The following VAV3 variants were observed in gnomAD, a reference collection of about 807,000 sequenced individuals.
VAV3 encodes the protein vav guanine nucleotide exchange factor 3.
A neutral mutation model predicts 131.2 loss-of-function variants in VAV3; 94 were observed. The observed-to-expected ratio is 0.72, with a 90% CI of 0.61 to 0.85. The LOEUF is 0.85. VAV3 is among the 40% of genes least tolerant of loss of function. The pLI, the probability that VAV3 is intolerant of heterozygous loss-of-function variation, is 0.00. For missense variants in VAV3, 939 were observed against 1,002.7 expected (o/e 0.94, Z 0.86); for synonymous variants, 349 against 342.0 (o/e 1.02, Z -0.22).
At chr1:107,751,029 A>T in intron 13 of VAV3, 88 bp downstream of exon 13, 2 of 1,271,818 alleles carry the variant, frequency 1.6e-6, no homozygotes, top group Non-Finnish European at 2.2e-6. Flanking sequence ...TTTTCCCCCT[A>T]CTTCACACTG....
chr1:107,751,010 T>C, intron 13 of VAV3, 107 bp downstream of exon 13: 4 of 1,086,678 alleles, frequency 3.7e-6, no homozygotes, highest in Non-Finnish European at 5.3e-6. Flanking sequence ...CTCCTTGTAT[T>C]TCTTCCTTTT....
chr1:107,840,249 AC>A (rs774079072), intron 2 of VAV3, among the ~76,000 whole-genome samples: 3 of 152,192 alleles, frequency 2.0e-5, no homozygotes, highest in Non-Finnish European at 4.4e-5. Flanking sequence ...AGTGTAAATC[AC>A]TGCTTTAAAT....
chr1:107,944,223 T>C (rs1389323183), intron 1 of VAV3, among the ~76,000 whole-genome samples: 2 of 152,216 alleles, frequency 1.3e-5, no homozygotes, highest in Non-Finnish European at 2.9e-5. Flanking sequence ...CCCCCTCTCA[T>C]CTTCTACTTA....
At chr1:107,662,563 A>G (rs1657101208) in intron 19 of VAV3, among the ~76,000 whole-genome samples, 1 of 152,282 alleles carries the variant, frequency 6.6e-6, no homozygotes, top group South Asian at 2.1e-4. Flanking sequence ...TTTCTATTTC[A>G]TTAAAAGCAC....
intron 19 of VAV3, chr1:107,669,200 T>C: frequency 3.5e-6 from 4 of 1,149,454 alleles, no homozygotes; most frequent in Non-Finnish European, 4.3e-6. Context: ...CTCAAAGTCT[T>C]CTTTCCAAAG....
intron 19 of VAV3, 109 bp from the exon 20 acceptor site, chr1:107,642,864 C>T (rs1655454039): frequency 4.9e-6 from 7 of 1,435,906 alleles, no homozygotes; most frequent in Non-Finnish European, 6.6e-6. Context: ...TTAATACCAC[C>T]AAGTCCAAGT....
intron 4 of VAV3, among the ~76,000 whole-genome samples, chr1:107,773,530 G>C (rs1382228071): frequency 6.6e-6 from 1 of 152,152 alleles, no homozygotes; most frequent in East Asian, 1.9e-4. Flanking sequence ...TCCTTTATCT[G>C]TTTTATATTC....
chr1:107,833,092 G>A (rs952452551), intron 2 of VAV3, among the ~76,000 whole-genome samples: 18 of 152,132 alleles, frequency 1.2e-4, no homozygotes, highest in South Asian at 6.2e-4. Context: ...TAAGCTTAGC[G>A]AGGAAGGCAT....
Position 107,571,327 on chromosome 1 carries a change from T to C in VAV3, c.*2004A>G, listed in dbSNP as rs1376031830. ...TAGAACTCTACACAAATCTGCAGCA[T>C]TTAAATTTTCCAAAACAAAGTATTA... is the stretch of plus-strand genomic sequence containing the variant. On this transcript the variant is annotated 3_prime_UTR_variant, in exon 27 of 27. Transcript: ENST00000370056. 2 of 152,656 alleles carry C rather than the reference T, an allele frequency of 1.3e-5. No individual in the cohort carries two copies. The highest frequency in any genetic ancestry group is 2.9e-5 in the Non-Finnish European group (2 of 68,042). The allele number at this position is 152,656 out of a possible 1,614,324, so 9.5% of individuals were successfully genotyped here. A position where few individuals can be genotyped will look rare whatever the true frequency, so the allele number is the denominator to read the frequency against.
chr1:107,610,564 T>C (rs1652649746), intron 21 of VAV3, among the ~76,000 whole-genome samples: 1 of 152,114 alleles, frequency 6.6e-6, no homozygotes, highest in Non-Finnish European at 1.5e-5. Context: ...AAATTCTGAT[T>C]TAAAAATCTA....
intron 9 of VAV3, among the ~76,000 whole-genome samples, chr1:107,762,628 T>C (rs1046462383): frequency 1.3e-5 from 2 of 152,216 alleles, no homozygotes; most frequent in Non-Finnish European, 2.9e-5. Flanking sequence ...ATATTTCTTA[T>C]GTTATGCCAT....
At chr1:107,639,194 A>T (rs550823365) in intron 20 of VAV3, among the ~76,000 whole-genome samples, 2 of 152,266 alleles carry the variant, frequency 1.3e-5, no homozygotes, top group Non-Finnish European at 2.9e-5. Flanking sequence ...TCATAAATCT[A>T]AATGTAAAAC....
At chr1:107,684,561 G>C (rs919079380) in intron 18 of VAV3, among the ~76,000 whole-genome samples, 1 of 152,314 alleles carries the variant, frequency 6.6e-6, no homozygotes, top group Non-Finnish European at 1.5e-5. Flanking sequence ...ATATCCAGCA[G>C]ACTTGCAGGG....
At chr1:107,731,121 T>G (rs1407164231) in intron 15 of VAV3, among the ~76,000 whole-genome samples, 2 of 152,178 alleles carry the variant, frequency 1.3e-5, no homozygotes, top group Non-Finnish European at 1.5e-5. Flanking sequence ...CTAAATACTC[T>G]TAACATTAAA....
intron 1 of VAV3, among the ~76,000 whole-genome samples, chr1:107,950,672 G>A (rs1434743807): frequency 6.6e-6 from 1 of 152,206 alleles, no homozygotes; most frequent in African/African-American, 2.4e-5. Flanking sequence ...GGTGCTCTAG[G>A]AGTCAGGTGA....
chr1:107,581,438 C>A (rs1458905756), intron 25 of VAV3, among the ~76,000 whole-genome samples: 1 of 152,116 alleles, frequency 6.6e-6, no homozygotes, highest in Non-Finnish European at 1.5e-5. Flanking sequence ...AGAGCACAGT[C>A]AAATATTATT....
intron 2 of VAV3, among the ~76,000 whole-genome samples, chr1:107,831,255 TTAAAA>T (rs1473384558): frequency 3.3e-5 from 5 of 152,288 alleles, no homozygotes; most frequent in Middle Eastern, 6.8e-3. Context: ...GGAAAATACT[TTAAAA>T]TAATATATGA....
Position 107,574,191 on chromosome 1 carries a change from A to G in VAV3, c.2358T>C (p.Ser786=). Residue 786 remains serine (S), a synonymous_variant, in exon 26 of 27, where the codon AGT becomes AGC. Transcript: ENST00000370056. ...RGNRAGNSLL[S]PKVLGIAIAR... is the part of the protein sequence containing the mutation. ...CGATGGCAATGCCCAGCACTTTTGG[A>G]CTTAACACTGTCAAGAAATGACAAG... 6.2e-7 allele frequency: 1 copy of G among 1,613,278 alleles called. No homozygotes were observed. The highest frequency in any genetic ancestry group is 1.1e-5 in the South Asian group (1 of 90,874).
chr1:107,903,724 T>C (rs1214958152), intron 1 of VAV3, among the ~76,000 whole-genome samples: 2 of 152,136 alleles, frequency 1.3e-5, no homozygotes, highest in African/African-American at 4.8e-5. Context: ...CTACCAGAAA[T>C]TCCTATCTTA....
Sources: allele counts gnomAD v4.1 joint callset (sites outside exome capture counted in the v4.1 genomes callset), GRCh38; gene constraint gnomAD v4.1.1; transcripts MANE v1.5; gene names NCBI Gene and HGNC (gene_info 2026-07-23, HGNC 2026-07-21).